GABRB2: variants seen among roughly 807,000 people sequenced by gnomAD.
The protein encoded by GABRB2 is gamma-aminobutyric acid receptor subunit beta-2.
GABRB2 carries 16 observed loss-of-function variants against 54.7 expected under a neutral mutation model. The ratio of observed to expected loss-of-function variants is 0.29; its 90% CI spans 0.20 to 0.44. The LOEUF (loss-of-function observed/expected upper bound fraction) is 0.44. GABRB2 is among the 20% of genes least tolerant of loss of function. The pLI is 1.00. For missense variants in GABRB2, 355 were observed against 644.0 expected, an observed-to-expected ratio of 0.55 and a Z score of 4.86; for synonymous variants, 244 against 233.8, an observed-to-expected ratio of 1.04 and a Z score of -0.40.
chr5:161,385,792 G>A (rs1055279433), intron 5 of GABRB2, among the ~76,000 whole-genome samples: 1 of 152,024 alleles, frequency 6.6e-6, no homozygotes, highest in Non-Finnish European at 1.5e-5. Context: ...CAGTAAAACC[G>A]CAGGAGAATT....
intron 3 of GABRB2, among the ~76,000 whole-genome samples, chr5:161,465,040 T>C (rs1758238398): frequency 6.6e-6 from 1 of 152,078 alleles, no homozygotes. Context: ...TTTTTCTGTA[T>C]GCAAATAAAA....
At chr5:161,411,832 G>A (rs1410015847) in intron 4 of GABRB2, among the ~76,000 whole-genome samples, 3 of 150,882 alleles carry the variant, frequency 2.0e-5, no homozygotes, top group African/African-American at 4.9e-5. Context: ...ATATATATAT[G>A]AGTTATCAAG....
chr5:161,463,096 A>G lies in GABRB2; in HGVS notation c.238-3252T>C, dbSNP rs147735235. ...TAAAACTAAAGCCAATTGATTTTCA[A>G]TACCAAACAAGATAAAGTAAACCCA... On this transcript the variant is annotated intron_variant, in intron 3 of 9. Transcript: ENST00000393959. Among the ~76,000 whole-genome samples the G allele has an allele frequency of 3.7e-3, 560 of 152,198 alleles. 3 individuals are homozygous for G. The highest frequency in any genetic ancestry group is 0.012 in the African/African-American group (511 of 41,562).
At chr5:161,442,040 T>C (rs536984827) in intron 4 of GABRB2, among the ~76,000 whole-genome samples, 2 of 152,172 alleles carry the variant, frequency 1.3e-5, no homozygotes, top group Admixed American at 6.6e-5. Flanking sequence ...ATAAGACCTA[T>C]AGGGTGACTA....
intron 9 of GABRB2, among the ~76,000 whole-genome samples, chr5:161,309,592 G>T (rs1467309495): frequency 6.6e-6 from 1 of 151,800 alleles, no homozygotes. Context: ...CAATAGCAAA[G>T]ACATGAAATC....
chr5:161,452,248 G>A (rs546185225), intron 4 of GABRB2, among the ~76,000 whole-genome samples: 31 of 152,184 alleles, frequency 2.0e-4, no homozygotes, highest in Middle Eastern at 6.8e-3. Context: ...TTTAAATACC[G>A]TTTTATGCGT....
At chr5:161,385,447 G>GA (rs1158732936) in intron 5 of GABRB2, among the ~76,000 whole-genome samples, 5 of 152,142 alleles carry the variant, frequency 3.3e-5, no homozygotes, top group African/African-American at 9.7e-5. Flanking sequence ...ACCGATGCTT[G>GA]AAACTGTCAT....
chr5:161,390,332 T>C (rs888313563), intron 5 of GABRB2, among the ~76,000 whole-genome samples: 6 of 152,056 alleles, frequency 3.9e-5, no homozygotes, highest in Admixed American at 3.3e-4. Context: ...TAAAGAATAC[T>C]TTCCATTTCA....
chr5:161,512,953 G>A (rs1759824027), intron 3 of GABRB2, among the ~76,000 whole-genome samples: 1 of 151,468 alleles, frequency 6.6e-6, no homozygotes, highest in African/African-American at 2.4e-5. Flanking sequence ...ATGAAAAAAT[G>A]TTCAACATCC....
intron 3 of GABRB2, among the ~76,000 whole-genome samples, chr5:161,491,677 C>T (rs940845166): frequency 6.6e-6 from 1 of 151,572 alleles, no homozygotes; most frequent in Non-Finnish European, 1.5e-5. Flanking sequence ...GATGACTGGT[C>T]TTCCAGCTCT....
At chr5:161,456,940 A>C (rs187558966) in intron 4 of GABRB2, among the ~76,000 whole-genome samples, 207 of 152,304 alleles carry the variant, frequency 1.4e-3, no homozygotes, top group South Asian at 2.3e-3. Flanking sequence ...GCATTATATA[A>C]AATGGAGCTA....
chr5:161,342,867 A>G (rs1754213197), intron 5 of GABRB2, among the ~76,000 whole-genome samples: 1 of 152,084 alleles, frequency 6.6e-6, no homozygotes, highest in Non-Finnish European at 1.5e-5. Flanking sequence ...ATGGAGCAAA[A>G]GAGACAAATA....
At chr5:161,359,909 C>T (rs1754754347) in intron 5 of GABRB2, among the ~76,000 whole-genome samples, 1 of 152,014 alleles carries the variant, frequency 6.6e-6, no homozygotes, top group Non-Finnish European at 1.5e-5. Context: ...GGTGAAACCC[C>T]ATGTGTACTA....
intron 4 of GABRB2, among the ~76,000 whole-genome samples, chr5:161,417,563 A>AT (rs1261246329): frequency 4.6e-5 from 7 of 152,234 alleles, no homozygotes; most frequent in Non-Finnish European, 8.8e-5. Flanking sequence ...TCAATTTCTT[A>AT]TATACCAAAT....
intron 3 of GABRB2, among the ~76,000 whole-genome samples, chr5:161,516,469 G>A (rs1210435874): frequency 6.6e-6 from 1 of 152,056 alleles, no homozygotes; most frequent in Non-Finnish European, 1.5e-5. Context: ...CTCCTTCTAT[G>A]CCCGTATTAC....
At chr5:161,528,031 T>G (rs568405816) in intron 3 of GABRB2, among the ~76,000 whole-genome samples, 1 of 151,774 alleles carries the variant, frequency 6.6e-6, no homozygotes, top group South Asian at 2.1e-4. Flanking sequence ...TAGTTCACAA[T>G]AGCCAAAGAA....
intron 3 of GABRB2, among the ~76,000 whole-genome samples, chr5:161,478,713 G>A (rs1477726059): frequency 6.6e-6 from 1 of 151,914 alleles, no homozygotes; most frequent in Non-Finnish European, 1.5e-5. Flanking sequence ...ATCATACAAT[G>A]TGCCCTTCAG....
chr5:161,526,270 G>A (rs1490669584), intron 3 of GABRB2, among the ~76,000 whole-genome samples: 1 of 151,364 alleles, frequency 6.6e-6, no homozygotes, highest in Non-Finnish European at 1.5e-5. Flanking sequence ...AACCAATTGT[G>A]AACTTAGACT....
intron 9 of GABRB2, among the ~76,000 whole-genome samples, chr5:161,319,396 A>G (rs1200035457): frequency 1.4e-5 from 2 of 147,750 alleles, no homozygotes; most frequent in East Asian, 3.9e-4. Flanking sequence ...AGGCTATAAT[A>G]TAAAAATATA....
Sources: allele counts gnomAD v4.1 joint callset (sites outside exome capture counted in the v4.1 genomes callset), GRCh38; gene constraint gnomAD v4.1.1; transcripts MANE v1.5; gene names NCBI Gene and HGNC (gene_info 2026-07-23, HGNC 2026-07-21).